UNC79: variants seen among roughly 807,000 people sequenced by gnomAD.
UNC79 encodes the protein unc-79 subunit of NALCN channel complex, also known as protein unc-79 homolog.
A neutral mutation model predicts 283.1 loss-of-function variants in UNC79; 37 were observed. That is an observed-to-expected ratio of 0.13 (90% CI 0.10 to 0.17). The LOEUF (loss-of-function observed/expected upper bound fraction) is 0.17, where lower values mean the gene tolerates loss of function less well. Ranked by LOEUF, UNC79 falls within the 10% of genes least tolerant of loss-of-function variation. The pLI, the probability that UNC79 is intolerant of heterozygous loss-of-function variation, is 1.00. For missense variants in UNC79, 2,272 were observed against 3,211.1 expected, an observed-to-expected ratio of 0.71 and a Z score of 7.07; for synonymous variants, 1,107 against 1,200.2, an observed-to-expected ratio of 0.92 and a Z score of 1.61.
intron 4 of UNC79, among the ~76,000 whole-genome samples, chr14:93,485,245 T>C (rs1166630379): frequency 6.6e-6 from 1 of 151,040 alleles, no homozygotes; most frequent in African/African-American, 2.4e-5. Context: ...CGTGTGTGTG[T>C]GTGTGTGTGC....
chr14:93,536,082 T>C (rs945343186), intron 11 of UNC79, among the ~76,000 whole-genome samples: 22 of 152,180 alleles, frequency 1.4e-4, no homozygotes, highest in African/African-American at 4.1e-4. Context: ...CTTTGAATAC[T>C]TGTGAATGAA....
chr14:93,561,949 C>A (rs1260844426), intron 14 of UNC79, among the ~76,000 whole-genome samples: 1 of 152,140 alleles, frequency 6.6e-6, no homozygotes, highest in African/African-American at 2.4e-5. Flanking sequence ...GTGGGGGTGA[C>A]TGCATAAAGC....
intron 1 of UNC79, among the ~76,000 whole-genome samples, chr14:93,446,595 C>T (rs1014246750): frequency 1.3e-5 from 2 of 152,052 alleles, no homozygotes; most frequent in East Asian, 3.9e-4. Context: ...GGATTCATCA[C>T]GTTGGCCAGT....
chr14:93,367,441 G>C (rs1054850312), intron 1 of UNC79, among the ~76,000 whole-genome samples: 1 of 152,026 alleles, frequency 6.6e-6, no homozygotes, highest in African/African-American at 2.4e-5. Context: ...ATGAAATTGT[G>C]TTCCTTTATC....
At chr14:93,365,643 C>T (rs931117820) in intron 1 of UNC79, among the ~76,000 whole-genome samples, 2 of 152,024 alleles carry the variant, frequency 1.3e-5, no homozygotes, top group Admixed American at 6.5e-5. Flanking sequence ...AACATCTGCG[C>T]TAAATATCAG....
At chr14:93,666,779 A>G (rs2072248948) in intron 40 of UNC79, among the ~76,000 whole-genome samples, 1 of 152,238 alleles carries the variant, frequency 6.6e-6, no homozygotes. Flanking sequence ...TGAATCAACC[A>G]ATTTTAGAAC....
intron 4 of UNC79, among the ~76,000 whole-genome samples, chr14:93,478,304 A>G (rs924591489): frequency 6.6e-6 from 1 of 152,240 alleles, no homozygotes; most frequent in South Asian, 2.1e-4. Flanking sequence ...TGTGCAATGT[A>G]TGATTATAAA....
At chr14:93,669,078 G>A (rs966482619) in intron 40 of UNC79, among the ~76,000 whole-genome samples, 5 of 150,690 alleles carry the variant, frequency 3.3e-5, no homozygotes, top group African/African-American at 1.2e-4. Flanking sequence ...TAAATGGAAA[G>A]AGATTTTATG....
intron 46 of UNC79, 142 bp downstream of exon 49, chr14:93,692,088 A>G (rs1433532373): frequency 1.0e-6 from 1 of 990,782 alleles, no homozygotes; most frequent in Non-Finnish European, 1.5e-6. Flanking sequence ...TATAAGCTGG[A>G]TGTTCTGCTT....
At chr14:93,365,342 G>C (rs1381813632) in intron 1 of UNC79, among the ~76,000 whole-genome samples, 1 of 135,678 alleles carries the variant, frequency 7.4e-6, no homozygotes, top group African/African-American at 2.8e-5. Flanking sequence ...CCGAGATTGT[G>C]CCACTGCACT....
At chr14:93,462,834 C>G (rs1224098697) in intron 1 of UNC79, among the ~76,000 whole-genome samples, 1 of 151,990 alleles carries the variant, frequency 6.6e-6, no homozygotes, top group East Asian at 1.9e-4. Flanking sequence ...GAAGGGAGAC[C>G]TAAGAGTCAA....
At chr14:93,570,309 C>A (rs970939661) in intron 14 of UNC79, among the ~76,000 whole-genome samples, 1 of 152,096 alleles carries the variant, frequency 6.6e-6, no homozygotes, top group South Asian at 2.1e-4. Context: ...GAAATTGTCC[C>A]CTTAGGTCGG....
chr14:93,453,939 G>T (rs1424860330), intron 1 of UNC79, among the ~76,000 whole-genome samples: 1 of 152,082 alleles, frequency 6.6e-6, no homozygotes, highest in Non-Finnish European at 1.5e-5. Context: ...CTCCTTTTTT[G>T]AGGAGGAATA....
intron 5 of UNC79, among the ~76,000 whole-genome samples, chr14:93,490,244 G>A (rs28506855): frequency 0.31 from 46,605 of 151,910 alleles, 7,523 homozygotes; most frequent in East Asian, 0.65. Flanking sequence ...ATACCTCCTG[G>A]CTTCTGTTGA....
At chr14:93,378,885 T>C (rs2054611961) in intron 1 of UNC79, among the ~76,000 whole-genome samples, 1 of 152,180 alleles carries the variant, frequency 6.6e-6, no homozygotes, top group Non-Finnish European at 1.5e-5. Flanking sequence ...AAAACTTAGA[T>C]ACATGGTAGC....
chr14:93,432,061 G>A (rs1294721255), intron 1 of UNC79, among the ~76,000 whole-genome samples: 1 of 152,176 alleles, frequency 6.6e-6, no homozygotes, highest in Non-Finnish European at 1.5e-5. Context: ...AGCAGTACAC[G>A]TTATATGGAT....
In UNC79 at chr14:93,641,133, C is replaced by T. The variant is rs748675547; in HGVS notation, c.5801-12C>T. On this transcript the variant is annotated splice_polypyrimidine_tract_variant and intron_variant, in intron 32 of 48. Coordinates refer to ENST00000555664, the Ensembl canonical transcript of UNC79. ...TCTATATTCACTGGTTGTCCCTTTG[C>T]TGCTTACCCAGGTGCCACCAAATCC... 3 of 1,611,184 alleles carry T rather than the reference C, an allele frequency of 1.9e-6. No individual in the cohort carries two copies. Among genetic ancestry groups the T allele is most frequent in the Non-Finnish European group, 2.5e-6 (3 of 1,178,176 alleles).
chr14:93,705,970 C>T, intron 48 of UNC79, among the ~76,000 whole-genome samples: 1 of 152,148 alleles, frequency 6.6e-6, no homozygotes, highest in African/African-American at 2.4e-5. Context: ...CCGTCGGGGG[C>T]ATGGGCACTG....
chr14:93,486,499 C>CA (rs1199311077), intron 4 of UNC79, among the ~76,000 whole-genome samples: 2 of 151,526 alleles, frequency 1.3e-5, no homozygotes, highest in Non-Finnish European at 2.9e-5. Flanking sequence ...TCTAAAAATA[C>CA]AAAAATTAGC....
Sources: gnomAD v4.1 joint callset for allele counts (sites outside exome capture counted in the v4.1 genomes callset) on GRCh38, gnomAD v4.1.1 for gene constraint, MANE v1.5 for transcripts, NCBI Gene and HGNC (gene_info 2026-07-23, HGNC 2026-07-21) for gene names.